The following DLGAP2 variants were observed in gnomAD, a reference collection of about 807,000 sequenced individuals.
The protein encoded by DLGAP2 is DLG associated protein 2.
A neutral mutation model predicts 100.3 loss-of-function variants in DLGAP2; 26 were observed. The observed-to-expected ratio is 0.26, with a 90% CI of 0.19 to 0.36. The LOEUF is 0.36. Ranked by LOEUF, DLGAP2 falls within the 10% of genes least tolerant of loss-of-function variation. The pLI, the probability that DLGAP2 is intolerant of heterozygous loss-of-function variation, is 1.00. For missense variants in DLGAP2, 1,858 were observed against 1,453.2 expected (o/e 1.28, Z -4.53); for synonymous variants, 886 against 630.1 (o/e 1.41, Z -6.08).
At chr8:1,383,412 A>G (rs927400901) in intron 3 of DLGAP2, among the ~76,000 whole-genome samples, 1 of 152,248 alleles carries the variant, frequency 6.6e-6, no homozygotes, top group Non-Finnish European at 1.5e-5. Context: ...TCAGACTTTT[A>G]TACAGAGATT....
intron 2 of DLGAP2, among the ~76,000 whole-genome samples, chr8:1,164,702 C>T (rs533235641): frequency 1.3e-5 from 2 of 152,272 alleles, no homozygotes; most frequent in African/African-American, 4.8e-5. Context: ...ATCGTCAGTT[C>T]TGTGAAGTTT....
intron 6 of DLGAP2, among the ~76,000 whole-genome samples, chr8:1,569,823 C>T (rs1328507903): frequency 3.3e-5 from 5 of 151,972 alleles, no homozygotes; most frequent in Non-Finnish European, 5.9e-5. Flanking sequence ...AGATCTTCAC[C>T]CTGTGGCACT....
chr8:1,334,844 C>G (rs188721661), intron 3 of DLGAP2, among the ~76,000 whole-genome samples: 1 of 152,262 alleles, frequency 6.6e-6, no homozygotes, highest in Admixed American at 6.5e-5. Flanking sequence ...GCCTCACTAA[C>G]ACGGCTGTCT....
intron 2 of DLGAP2, among the ~76,000 whole-genome samples, chr8:1,201,658 C>G (rs1033263362): frequency 6.6e-6 from 1 of 152,186 alleles, no homozygotes; most frequent in Non-Finnish European, 1.5e-5. Context: ...GGTTCAGTGC[C>G]TGTTTGTCAG....
At chr8:1,450,665 T>A (rs562701169) in intron 3 of DLGAP2, among the ~76,000 whole-genome samples, 4 of 152,060 alleles carry the variant, frequency 2.6e-5, no homozygotes, top group Non-Finnish European at 5.9e-5. Flanking sequence ...TCTGCAATTA[T>A]GTGACACTGT....
At chr8:1,376,308 T>C (rs1802385755) in intron 3 of DLGAP2, among the ~76,000 whole-genome samples, 1 of 152,218 alleles carries the variant, frequency 6.6e-6, no homozygotes, top group East Asian at 1.9e-4. Flanking sequence ...TCTGTGCCGT[T>C]TCTTCTCACT....
At chr8:1,255,139 AGTGTGTGTCCTCTCCTGCCCGG>A (rs1799163190) in intron 2 of DLGAP2, among the ~76,000 whole-genome samples, 1 of 25,352 alleles carries the variant, frequency 3.9e-5, no homozygotes, top group African/African-American at 2.1e-4. Flanking sequence ...CCGGGCGCTG[AGTGTGTGTCCTCTCCTGCCCGG>A]GTGCTGTGTG....
At chr8:1,699,334 A>G (rs1799503763) in intron 14 of DLGAP2, among the ~76,000 whole-genome samples, 2 of 151,934 alleles carry the variant, frequency 1.3e-5, no homozygotes, top group Non-Finnish European at 1.5e-5. Context: ...AGCCGGGCAC[A>G]GTGGATCACG....
At chr8:1,454,957 C>A (rs900439245) in intron 3 of DLGAP2, among the ~76,000 whole-genome samples, 1 of 152,110 alleles carries the variant, frequency 6.6e-6, no homozygotes, top group African/African-American at 2.4e-5. Flanking sequence ...GCCCATCGGG[C>A]CCCCAGTTTC....
At chr8:1,007,618 T>C (rs964649691) in intron 2 of DLGAP2, among the ~76,000 whole-genome samples, 10 of 130,898 alleles carry the variant, frequency 7.6e-5, no homozygotes, top group Admixed American at 7.1e-4. Context: ...GTCTTCTCTA[T>C]GGGTAGTTTT....
intron 3 of DLGAP2, among the ~76,000 whole-genome samples, chr8:1,326,086 C>T (rs1801014556): frequency 6.6e-6 from 1 of 152,182 alleles, no homozygotes; most frequent in South Asian, 2.1e-4. Flanking sequence ...CTCAACTATA[C>T]AGCTTTTTTC....
intron 1 of DLGAP2, among the ~76,000 whole-genome samples, chr8:825,547 C>A (rs957937947): frequency 6.6e-6 from 1 of 152,178 alleles, no homozygotes; most frequent in African/African-American, 2.4e-5. Flanking sequence ...TCATCTTGTT[C>A]CCTTATTATC....
At chr8:998,375 A>C (rs984646676) in intron 2 of DLGAP2, among the ~76,000 whole-genome samples, 34 of 152,116 alleles carry the variant, frequency 2.2e-4, no homozygotes, top group African/African-American at 8.2e-4. Flanking sequence ...GTCCTAGCTC[A>C]CTGCCGCCTT....
chr8:1,241,518 A>G (rs1261224203), intron 2 of DLGAP2, among the ~76,000 whole-genome samples: 2 of 152,240 alleles, frequency 1.3e-5, no homozygotes, highest in Non-Finnish European at 2.9e-5. Context: ...TACGGGTAGT[A>G]GCCCTACAGA....
chr8:1,432,454 G>C (rs1235963101), intron 3 of DLGAP2, among the ~76,000 whole-genome samples: 1 of 152,156 alleles, frequency 6.6e-6, no homozygotes, highest in African/African-American at 2.4e-5. Flanking sequence ...ATGTTTATTT[G>C]TCATTTTCCC....
At chr8:906,799 C>G (rs1798390163) in intron 1 of DLGAP2, among the ~76,000 whole-genome samples, 1 of 152,214 alleles carries the variant, frequency 6.6e-6, no homozygotes, top group Non-Finnish European at 1.5e-5. Flanking sequence ...CTTTTAATTC[C>G]ACATTTTGCA....
At chr8:1,248,954 G>T (rs998054729) in intron 2 of DLGAP2, among the ~76,000 whole-genome samples, 4 of 152,134 alleles carry the variant, frequency 2.6e-5, no homozygotes, top group African/African-American at 9.7e-5. Context: ...TCTCAGAGAG[G>T]CTGTGAAGGC....
At chr8:1,055,178 A>G (rs1310413458) in intron 2 of DLGAP2, among the ~76,000 whole-genome samples, 1 of 152,166 alleles carries the variant, frequency 6.6e-6, no homozygotes, top group African/African-American at 2.4e-5. Flanking sequence ...CTTTTTCTCA[A>G]TTGTCCAATT....
At chr8:1,537,780 A>C (rs1297527183) in intron 4 of DLGAP2, among the ~76,000 whole-genome samples, 1 of 134,674 alleles carries the variant, frequency 7.4e-6, no homozygotes, top group African/African-American at 2.8e-5. Context: ...GAAGGAAGGA[A>C]GGAAGGACAA....
Sources: gnomAD v4.1 joint callset for allele counts (sites outside exome capture counted in the v4.1 genomes callset) on GRCh38, gnomAD v4.1.1 for gene constraint, MANE v1.5 for transcripts, NCBI Gene and HGNC (gene_info 2026-07-23, HGNC 2026-07-21) for gene names.